ADAM22: variants seen among roughly 807,000 people sequenced by gnomAD.
ADAM22 encodes ADAM metallopeptidase domain 22.
Under a neutral mutation model 144.6 loss-of-function variants are expected in ADAM22, and 65 were observed. The observed-to-expected ratio is 0.45, with a 90% CI of 0.37 to 0.55. The LOEUF is 0.55. Among genes scored for constraint, ADAM22 ranks in the 20% least tolerant of loss-of-function variants. The pLI is 0.00. For missense variants in ADAM22, 974 were observed against 1,184.9 expected, an observed-to-expected ratio of 0.82 and a Z score of 2.61; for synonymous variants, 391 against 412.6, an observed-to-expected ratio of 0.95 and a Z score of 0.63.
intron 3 of ADAM22, among the ~76,000 whole-genome samples, chr7:88,011,821 GT>G (rs369768615): frequency 8.7e-4 from 132 of 151,536 alleles, no homozygotes; most frequent in African/African-American, 3.0e-3. Flanking sequence ...ATACACCTAG[GT>G]GTAGATATTT....
chr7:88,124,840 C>T (rs1830054392), intron 7 of ADAM22, among the ~76,000 whole-genome samples: 1 of 151,900 alleles, frequency 6.6e-6, no homozygotes, highest in Admixed American at 6.6e-5. Flanking sequence ...GCTTATTTCT[C>T]CTTTATGAAC....
intron 2 of ADAM22, among the ~76,000 whole-genome samples, chr7:87,961,908 G>A (rs976910772): frequency 2.0e-5 from 3 of 152,286 alleles, no homozygotes; most frequent in South Asian, 4.1e-4. Context: ...TTTCAAAATG[G>A]TTTTGTGTAG....
chr7:88,125,395 T>C (rs1262590819), intron 7 of ADAM22, among the ~76,000 whole-genome samples, 194 bp from the exon 8 acceptor site: 1 of 151,972 alleles, frequency 6.6e-6, no homozygotes, highest in Non-Finnish European at 1.5e-5. Flanking sequence ...TGTTCTAGAT[T>C]TTGCAAATTA....
intron 3 of ADAM22, among the ~76,000 whole-genome samples, chr7:88,033,971 C>G (rs1045211807): frequency 6.6e-6 from 1 of 152,102 alleles, no homozygotes; most frequent in Admixed American, 6.5e-5. Flanking sequence ...AGAGCAGATC[C>G]AGAAATGCCT....
chr7:88,083,264 C>T (rs1672644694), intron 4 of ADAM22, among the ~76,000 whole-genome samples: 1 of 151,926 alleles, frequency 6.6e-6, no homozygotes, highest in African/African-American at 2.4e-5. Flanking sequence ...CGCATGTTCT[C>T]ACTCATAGGT....
intron 2 of ADAM22, among the ~76,000 whole-genome samples, chr7:87,954,336 T>G (rs530454458): frequency 6.6e-6 from 1 of 152,282 alleles, no homozygotes; most frequent in East Asian, 1.9e-4. Flanking sequence ...AGGGCAGGCC[T>G]GGTGGTGACA....
chr7:88,061,596 A>AT (rs899378330), intron 3 of ADAM22, among the ~76,000 whole-genome samples: 53 of 152,240 alleles, frequency 3.5e-4, no homozygotes, highest in African/African-American at 1.3e-3. Context: ...TGAAAGAAAT[A>AT]TTTTTTTCCT....
At chr7:88,102,282 G>A (rs116740933) in intron 4 of ADAM22, among the ~76,000 whole-genome samples, 2,012 of 152,216 alleles carry the variant, frequency 0.013, 48 homozygotes, top group African/African-American at 0.045. Context: ...AAGAAACCTG[G>A]GGCCCTACCT....
chr7:88,090,110 T>C (rs1418877894), intron 4 of ADAM22: 1 of 152,210 alleles, frequency 6.6e-6, no homozygotes, highest in Admixed American at 6.6e-5. Flanking sequence ...AAACAATTAA[T>C]GAAGCAATGA....
intron 3 of ADAM22, among the ~76,000 whole-genome samples, chr7:88,018,927 A>G (rs756757313): frequency 6.6e-6 from 1 of 152,208 alleles, no homozygotes; most frequent in Non-Finnish European, 1.5e-5. Flanking sequence ...ATCAGCACAC[A>G]TTGCTTTTCA....
At chr7:88,024,647 C>T (rs935647861) in intron 3 of ADAM22, among the ~76,000 whole-genome samples, 8 of 151,294 alleles carry the variant, frequency 5.3e-5, no homozygotes, top group Non-Finnish European at 1.0e-4. Context: ...GTGTGCTGCA[C>T]CCATTAACTC....
chr7:88,130,120 ATGGATTGGG>A (rs2129497432), intron 9 of ADAM22, among the ~76,000 whole-genome samples: 1 of 126,892 alleles, frequency 7.9e-6, no homozygotes, highest in African/African-American at 2.5e-5. Context: ...TATGAAATGG[ATGGATTGGG>A]TATTTTTTAC....
chr7:88,041,626 A>G (rs1803155423), intron 3 of ADAM22, among the ~76,000 whole-genome samples: 1 of 151,976 alleles, frequency 6.6e-6, no homozygotes, highest in Non-Finnish European at 1.5e-5. Flanking sequence ...TTAATGAGAG[A>G]TACACGCCAG....
intron 2 of ADAM22, among the ~76,000 whole-genome samples, chr7:87,962,749 G>A (rs939426724): frequency 6.6e-6 from 1 of 151,922 alleles, no homozygotes; most frequent in African/African-American, 2.4e-5. Flanking sequence ...GCAGCAGCTC[G>A]TTCTGTGCAT....
intron 31 of ADAM22, among the ~76,000 whole-genome samples, chr7:88,194,970 G>C (rs1850370771): frequency 6.6e-6 from 1 of 152,200 alleles, no homozygotes; most frequent in South Asian, 2.1e-4. Context: ...CCACAGTCCT[G>C]TGGAGTAGGC....
At chr7:87,959,896 T>A (rs1190082154) in intron 2 of ADAM22, among the ~76,000 whole-genome samples, 2 of 152,212 alleles carry the variant, frequency 1.3e-5, no homozygotes, top group Non-Finnish European at 2.9e-5. Flanking sequence ...ATTCAGTGGT[T>A]TTTAATATAG....
intron 2 of ADAM22, among the ~76,000 whole-genome samples, chr7:87,972,290 C>T (rs903392826): frequency 3.3e-5 from 5 of 151,606 alleles, no homozygotes; most frequent in African/African-American, 7.2e-5. Flanking sequence ...ACACCAATAA[C>T]AGACAAACAG....
intron 3 of ADAM22, among the ~76,000 whole-genome samples, chr7:88,053,870 C>T (rs185008318): frequency 5.9e-5 from 9 of 152,184 alleles, no homozygotes; most frequent in African/African-American, 1.4e-4. Context: ...GTGGTTTATG[C>T]CTGTAATCGC....
chr7:87,978,748 G>A (rs534493304), intron 3 of ADAM22, among the ~76,000 whole-genome samples: 5 of 152,216 alleles, frequency 3.3e-5, no homozygotes, highest in Non-Finnish European at 5.9e-5. Context: ...TATCTTCCTT[G>A]AGAACAGCAG....
Sources: gnomAD v4.1 joint callset for allele counts (sites outside exome capture counted in the v4.1 genomes callset) on GRCh38, gnomAD v4.1.1 for gene constraint, MANE v1.5 for transcripts, NCBI Gene and HGNC (gene_info 2026-07-23, HGNC 2026-07-21) for gene names.